The following EYS variants were observed in gnomAD, a reference collection of about 807,000 sequenced individuals.
EYS encodes the protein EGF-like photoreceptor maintenance factor.
Under a neutral mutation model 282.1 loss-of-function variants are expected in EYS, and 250 were observed. That is an observed-to-expected ratio of 0.89 (90% confidence interval 0.80 to 0.98). EYS has a LOEUF of 0.98. Ranked by LOEUF, EYS falls within the 50% of genes least tolerant of loss-of-function variation. EYS has a pLI of 0.00. For synonymous variants in EYS, 1,355 were observed against 1,282.9 expected, an observed-to-expected ratio of 1.06 and a Z score of -1.20; for missense variants, 4,016 against 3,709.0, an observed-to-expected ratio of 1.08 and a Z score of -2.15.
intron 39 of EYS, among the ~76,000 whole-genome samples, chr6:63,781,497 C>G (rs560564069): frequency 6.6e-6 from 1 of 152,026 alleles, no homozygotes; most frequent in East Asian, 1.9e-4. Flanking sequence ...AGGTATTTTA[C>G]TCTCTTTGAA....
intron 26 of EYS, among the ~76,000 whole-genome samples, chr6:64,586,083 A>G (rs960588765): frequency 2.6e-5 from 4 of 152,102 alleles, no homozygotes; most frequent in Non-Finnish European, 4.4e-5. Context: ...AAGCTCAATC[A>G]CCAGTGCTGC....
intron 2 of EYS, among the ~76,000 whole-genome samples, chr6:65,597,523 T>C (rs544033583): frequency 1.3e-3 from 197 of 152,182 alleles, no homozygotes; most frequent in Non-Finnish European, 2.0e-3. Flanking sequence ...AAACTGTAAG[T>C]TGGAAAGTAT....
chr6:65,469,920 A>G (rs186743338), intron 5 of EYS, among the ~76,000 whole-genome samples: 1 of 152,326 alleles, frequency 6.6e-6, no homozygotes, highest in East Asian at 1.9e-4. Flanking sequence ...TTAAAATCAT[A>G]TCAAAGAAAA....
intron 31 of EYS, among the ~76,000 whole-genome samples, chr6:64,210,770 A>G (rs1765741193): frequency 6.6e-6 from 1 of 152,130 alleles, no homozygotes; most frequent in Admixed American, 6.5e-5. Flanking sequence ...GGTGTTACAG[A>G]GGAGATTGGT....
At chr6:64,798,472 T>TA (rs1477963407) in intron 22 of EYS, among the ~76,000 whole-genome samples, 2 of 151,872 alleles carry the variant, frequency 1.3e-5, no homozygotes, top group African/African-American at 2.4e-5. Flanking sequence ...TAAATAAAGA[T>TA]AAAAAGAAAG....
At chr6:64,050,388 CATA>C (rs1770767668) in intron 33 of EYS, among the ~76,000 whole-genome samples, 1 of 152,158 alleles carries the variant, frequency 6.6e-6, no homozygotes, top group South Asian at 2.1e-4. Context: ...GCTAAAATTT[CATA>C]ATGTCAGAAA....
At chr6:63,910,329 A>T (rs1773883830) in intron 35 of EYS, among the ~76,000 whole-genome samples, 1 of 152,182 alleles carries the variant, frequency 6.6e-6, no homozygotes, top group Admixed American at 6.5e-5. Context: ...GCTACTGATA[A>T]AGAACTTTCA....
chr6:64,414,872 AC>A (rs1774015482), intron 28 of EYS, among the ~76,000 whole-genome samples: 1 of 152,218 alleles, frequency 6.6e-6, no homozygotes, highest in African/African-American at 2.4e-5. Flanking sequence ...GGAAATGAAT[AC>A]ATAAAAATAG....
In EYS at chr6:64,912,540, T is replaced by C. The variant is rs1223518822; in HGVS notation, c.2585A>G (p.Asn862Ser). The C allele has an allele frequency of 6.4e-7, 1 of 1,551,382 alleles. No homozygotes were observed. The highest frequency in any genetic ancestry group is 8.7e-7 in the Non-Finnish European group (1 of 1,146,724). The change falls in exon 16 of 43, where the codon AAC becomes AGC. Residue 862 changes from asparagine (N) to serine (S), a missense_variant. Physicochemically the swap from Asn to Ser is conservative, Grantham distance 46 (BLOSUM62 1). Coordinates refer to ENST00000503581, the MANE Select transcript of EYS (RefSeq NM_001142800.2). Reference protein sequence around the residue: ...LCDLLHNPCRNNSTCLALVDA... With the variant: ...LCDLLHNPCRSNSTCLALVDA... ...TACCAAAGCTAAGCATGTTGAGTTG[T>C]TTCTGCAAGGGTTATGAAGTAGGTC... is the stretch of plus-strand genomic sequence containing the variant.
chr6:64,901,584 C>T (rs1472212768), intron 18 of EYS, among the ~76,000 whole-genome samples: 1 of 151,960 alleles, frequency 6.6e-6, no homozygotes, highest in African/African-American at 2.4e-5. Flanking sequence ...AATGGTTCAA[C>T]AATTCTACTT....
intron 35 of EYS, among the ~76,000 whole-genome samples, chr6:63,873,845 T>A (rs551677253): frequency 1.1e-4 from 17 of 152,276 alleles, no homozygotes; most frequent in South Asian, 2.1e-4. Context: ...GGGTTTTTTT[T>A]ATTTTTTCTT....
chr6:64,294,977 A>T (rs7762115), intron 30 of EYS, among the ~76,000 whole-genome samples: 1 of 151,904 alleles, frequency 6.6e-6, no homozygotes, highest in African/African-American at 2.4e-5. Context: ...TGTAAGACCA[A>T]CTAGCTGCTA....
At chr6:65,165,191 C>G (rs1018786979) in intron 12 of EYS, among the ~76,000 whole-genome samples, 1 of 151,076 alleles carries the variant, frequency 6.6e-6, no homozygotes, top group African/African-American at 2.4e-5. Context: ...TAAGCTAACT[C>G]TTGACAAATG....
At chr6:64,028,966 A>C (rs1048701964) in intron 33 of EYS, among the ~76,000 whole-genome samples, 1 of 152,102 alleles carries the variant, frequency 6.6e-6, no homozygotes, top group African/African-American at 2.4e-5. Context: ...GCTTATCCTC[A>C]CCCTAAGACA....
At chr6:64,267,847 T>C (rs1337874098) in intron 30 of EYS, among the ~76,000 whole-genome samples, 2 of 152,092 alleles carry the variant, frequency 1.3e-5, no homozygotes, top group South Asian at 2.1e-4. Context: ...TATTTTCATG[T>C]TTTACGTATC....
chr6:64,291,914 A>G (rs188181975), intron 30 of EYS, among the ~76,000 whole-genome samples: 5 of 152,276 alleles, frequency 3.3e-5, no homozygotes, highest in Admixed American at 3.3e-4. Flanking sequence ...AACAGTTAAC[A>G]AAATTGAAAT....
chr6:64,573,513 T>C (rs1051714334), intron 26 of EYS, among the ~76,000 whole-genome samples: 4 of 152,030 alleles, frequency 2.6e-5, no homozygotes, highest in Non-Finnish European at 5.9e-5. Flanking sequence ...GGGAGAAAAG[T>C]TTTCCATTCA....
chr6:64,261,940 GAGA>G (rs1369617823), intron 30 of EYS, among the ~76,000 whole-genome samples: 1 of 151,838 alleles, frequency 6.6e-6, no homozygotes, highest in Non-Finnish European at 1.5e-5. Flanking sequence ...ATATTTTGTA[GAGA>G]AGGTTTTTTG....
chr6:64,648,600 C>G (rs1240448967), intron 22 of EYS, among the ~76,000 whole-genome samples: 2 of 152,092 alleles, frequency 1.3e-5, no homozygotes, highest in Non-Finnish European at 2.9e-5. Context: ...AGTGCATAAT[C>G]TGAGTCAAAT....
Sources: allele counts gnomAD v4.1 joint callset (sites outside exome capture counted in the v4.1 genomes callset), GRCh38; gene constraint gnomAD v4.1.1; transcripts MANE v1.5; gene names NCBI Gene and HGNC (gene_info 2026-07-23, HGNC 2026-07-21).